The following GMPS variants were observed in gnomAD, a reference collection of about 807,000 sequenced individuals.
GMPS encodes the protein guanosine monophosphate synthase, also known as GMP synthase [glutamine-hydrolyzing].
GMPS carries 15 observed loss-of-function variants against 77.9 expected under a neutral mutation model. The observed-to-expected ratio is 0.19, with a 90% CI of 0.13 to 0.30. The LOEUF is 0.30. Among genes scored for constraint, GMPS ranks in the 10% least tolerant of loss-of-function variants. The pLI is 1.00. For missense variants in GMPS, 590 were observed against 838.8 expected (o/e 0.70, Z 3.66); for synonymous variants, 224 against 275.9 (o/e 0.81, Z 1.86).
At chr3:155,890,600 G>A (rs943762259) in intron 1 of GMPS, among the ~76,000 whole-genome samples, 16 of 152,142 alleles carry the variant, frequency 1.1e-4, no homozygotes, top group East Asian at 1.9e-4. Flanking sequence ...TCTCTGTGTC[G>A]TTTCTGTGCC....
intron 3 of GMPS, among the ~76,000 whole-genome samples, chr3:155,899,825 C>A (rs1272123797): frequency 6.6e-6 from 1 of 152,164 alleles, no homozygotes; most frequent in East Asian, 1.9e-4. Context: ...TTCAGCATGT[C>A]ATGTAGGTGG....
chr3:155,909,138 A>T (rs1754966916), intron 5 of GMPS, among the ~76,000 whole-genome samples: 1 of 152,204 alleles, frequency 6.6e-6, no homozygotes, highest in South Asian at 2.1e-4. Flanking sequence ...GGCCTGATTT[A>T]GTTACTTAAT....
At chr3:155,890,897 T>C (rs1303971227) in intron 1 of GMPS, among the ~76,000 whole-genome samples, 1 of 152,234 alleles carries the variant, frequency 6.6e-6, no homozygotes, top group Non-Finnish European at 1.5e-5. Context: ...TTTTCATCTT[T>C]GTTGGCCAGC....
chr3:155,937,489 G>C, intron 15 of GMPS, 102 bp from the exon 16 acceptor site: 1 of 649,202 alleles, frequency 1.5e-6, no homozygotes, highest in South Asian at 1.9e-5. Context: ...GAGGACAATA[G>C]TGAAAATAGT....
chr3:155,870,601 C>G (rs1753878029), upstream of GMPS: 2 of 437,014 alleles, frequency 4.6e-6, no homozygotes, highest in East Asian at 3.8e-5. Flanking sequence ...GCCGAACGGG[C>G]TCTGGCTCCT....
chr3:155,897,829 G>C, intron 2 of GMPS, 98 bp from the exon 3 acceptor site: 1 of 666,370 alleles, frequency 1.5e-6, no homozygotes, highest in East Asian at 2.5e-5. Context: ...GCAATTTCTG[G>C]ATCTGTGTTG....
At chr3:155,908,435 C>T (rs1296511131) in intron 5 of GMPS, among the ~76,000 whole-genome samples, 1 of 152,230 alleles carries the variant, frequency 6.6e-6, no homozygotes, top group Non-Finnish European at 1.5e-5. Context: ...CCCCCTTACC[C>T]TTCAAAGTGT....
chr3:155,915,811 C>T (rs1755163275), intron 8 of GMPS, among the ~76,000 whole-genome samples: 1 of 152,214 alleles, frequency 6.6e-6, no homozygotes, highest in Non-Finnish European at 1.5e-5. Flanking sequence ...GCTGGGATTA[C>T]AGGCGTGAGC....
At chr3:155,888,101 A>G (rs1226444184) in intron 1 of GMPS, among the ~76,000 whole-genome samples, 2 of 151,986 alleles carry the variant, frequency 1.3e-5, no homozygotes, top group African/African-American at 2.4e-5. Flanking sequence ...TTTAAGAGAT[A>G]GGGTCTTGCT....
Position 155,942,289 on chromosome 3 carries a change from T to C in GMPS, c.*4597T>C, listed in dbSNP as rs1755911616. Reference sequence around the variant, plus strand: ...CTTTTTAGTAGAGACAGGGTTTCACTGTGTTATACAGGATGGTCTCGATCT... The same window carrying C: ...CTTTTTAGTAGAGACAGGGTTTCACCGTGTTATACAGGATGGTCTCGATCT... On this transcript the variant is annotated 3_prime_UTR_variant, in exon 16 of 16. Transcript: ENST00000496455. 5.4e-6 allele frequency: 1 copy of C among 185,546 alleles called. No homozygotes were observed. The highest frequency in any genetic ancestry group is 8.8e-5 in the East Asian group (1 of 11,348). 11.5% of individuals were successfully genotyped at this position (185,546 alleles called of 1,614,324 possible).
chr3:155,889,657 C>T (rs189117017), intron 1 of GMPS, among the ~76,000 whole-genome samples: 22 of 152,266 alleles, frequency 1.4e-4, no homozygotes, highest in Non-Finnish European at 2.8e-4. Flanking sequence ...ATGTGGGATC[C>T]AAGAAAATCA....
At chr3:155,928,668 C>T (rs1483985404) in intron 12 of GMPS, among the ~76,000 whole-genome samples, 4 of 143,056 alleles carry the variant, frequency 2.8e-5, no homozygotes, top group African/African-American at 1.0e-4. Context: ...GTATATCTCC[C>T]AATGCTATCC....
chr3:155,901,202 T>C (rs1221157188), intron 3 of GMPS, among the ~76,000 whole-genome samples: 1 of 152,178 alleles, frequency 6.6e-6, no homozygotes, highest in African/African-American at 2.4e-5. Flanking sequence ...CCTTTCTTTT[T>C]TTTATGGCTT....
At chr3:155,888,878 C>T (rs1754400952) in intron 1 of GMPS, among the ~76,000 whole-genome samples, 1 of 151,340 alleles carries the variant, frequency 6.6e-6, no homozygotes, top group South Asian at 2.1e-4. Context: ...AGCCACGGCA[C>T]CTGGCCTAAT....
intron 1 of GMPS, among the ~76,000 whole-genome samples, chr3:155,885,294 A>G (rs1004647791): frequency 1.3e-5 from 2 of 152,186 alleles, no homozygotes; most frequent in East Asian, 1.9e-4. Flanking sequence ...ATAGAATCCT[A>G]TCTGTTGTGT....
Position 155,938,298 on chromosome 3 carries a change from C to T in GMPS, c.*606C>T, listed in dbSNP as rs1755808329. Reference sequence around the variant, plus strand: ...TGTACTTTTGAATTTTATTTCACAGCCTTGGGAGGAAGAAACTATGAGTGG... The same window carrying T: ...TGTACTTTTGAATTTTATTTCACAGTCTTGGGAGGAAGAAACTATGAGTGG... On this transcript the variant is annotated 3_prime_UTR_variant, in exon 16 of 16. Transcript: ENST00000496455. The T allele has an allele frequency of 4.6e-6, 1 of 218,856 alleles. No homozygotes were observed. Among genetic ancestry groups the T allele is most frequent in the Admixed American group, 5.8e-5 (1 of 17,312 alleles). The allele number at this position is 218,856 out of a possible 1,614,324, so 13.6% of individuals were successfully genotyped here.
chr3:155,897,835 TGTTGTTTCCCTCA>T, intron 2 of GMPS, 79 bp from the exon 3 acceptor site: 1 of 695,756 alleles, frequency 1.4e-6, no homozygotes, highest in Non-Finnish European at 2.6e-6. Context: ...TCTGGATCTG[TGTTGTTTCCCTCA>T]GTGGTACAAG....
At chr3:155,881,779 A>G (rs918224017) in intron 1 of GMPS, among the ~76,000 whole-genome samples, 2 of 152,164 alleles carry the variant, frequency 1.3e-5, no homozygotes, top group African/African-American at 4.8e-5. Context: ...AAGACTGCTT[A>G]AAGCAGCAGG....
rs925889229 is a variant in GMPS at position 155,941,545 on chromosome 3, G to A, written c.*3853G>A. On this transcript the variant is annotated 3_prime_UTR_variant, in exon 16 of 16. Coordinates refer to ENST00000496455, the MANE Select transcript of GMPS (RefSeq NM_003875.3). ...CAGAAATTCTCTGACATCTGCTTGC[G>A]CAATGTTATAACCACTTTCCCACAC... The A allele has an allele frequency of 5.9e-5, 13 of 219,750 alleles. No homozygotes were observed. Among genetic ancestry groups the A allele is most frequent in the East Asian group, 1.3e-4 (2 of 14,998 alleles). 13.6% of individuals were successfully genotyped at this position (219,750 alleles called of 1,614,324 possible).
Sources: gnomAD v4.1 joint callset for allele counts (sites outside exome capture counted in the v4.1 genomes callset) on GRCh38, gnomAD v4.1.1 for gene constraint, MANE v1.5 for transcripts, NCBI Gene and HGNC (gene_info 2026-07-23, HGNC 2026-07-21) for gene names.